Variants in WWOX observed in about 807,000 individuals in gnomAD.
WWOX encodes WW domain-containing oxidoreductase.
A neutral mutation model predicts 46.2 loss-of-function variants in WWOX; 69 were observed. That is an observed-to-expected ratio of 1.49 (90% CI 1.23 to 1.82). The LOEUF (loss-of-function observed/expected upper bound fraction) is 1.82. Ranked by LOEUF, WWOX falls within the 40% of genes most tolerant of loss-of-function variation. The probability of loss-of-function intolerance (pLI) is 0.00; values close to 1 mark genes in which losing one functional copy is unlikely to be tolerated. For synonymous variants in WWOX, 359 were observed against 202.6 expected, an observed-to-expected ratio of 1.77 and a Z score of -6.56; for missense variants, 919 against 542.6, an observed-to-expected ratio of 1.69 and a Z score of -6.89.
chr16:78,306,749 C>G (rs1472004261), intron 5 of WWOX, among the ~76,000 whole-genome samples: 3 of 151,962 alleles, frequency 2.0e-5, no homozygotes, highest in African/African-American at 7.3e-5. Flanking sequence ...GAGCCCCACT[C>G]TGTCCCATAA....
At chr16:79,020,069 G>A (rs2047500473) in intron 8 of WWOX, among the ~76,000 whole-genome samples, 1 of 152,168 alleles carries the variant, frequency 6.6e-6, no homozygotes, top group Non-Finnish European at 1.5e-5. Flanking sequence ...TATGTCATCT[G>A]CATGGTTGCA....
chr16:78,190,115 G>C (rs1035060443), intron 5 of WWOX, among the ~76,000 whole-genome samples: 1 of 152,156 alleles, frequency 6.6e-6, no homozygotes, highest in Non-Finnish European at 1.5e-5. Flanking sequence ...GCATGAACTG[G>C]TTTGGGCCAG....
At chr16:78,915,648 G>A (rs571929355) in intron 8 of WWOX, among the ~76,000 whole-genome samples, 104 of 151,680 alleles carry the variant, frequency 6.9e-4, no homozygotes, top group Non-Finnish European at 1.2e-3. Context: ...TCAGAAGATA[G>A]TTTCTTACCG....
rs376399032 is a variant in WWOX at position 78,409,572 on chromosome 16, A to G, written c.606-15298A>G. On this transcript the variant is annotated intron_variant, in intron 6 of 8. Coordinates refer to ENST00000566780, the MANE Select transcript of WWOX (RefSeq NM_016373.4). ...GACCTAGCGACTTAAAACAGCAAAC[A>G]TACACTATCTCACTCTGTTAGTTTT... Among the ~76,000 whole-genome samples, 360 of 152,330 alleles carry G rather than the reference A, an allele frequency of 2.4e-3. 1 individual carries two copies. The highest frequency in any genetic ancestry group is 4.4e-3 in the South Asian group (21 of 4,820).
At chr16:78,461,174 ATGAATTG>A (rs2083938143) in intron 8 of WWOX, among the ~76,000 whole-genome samples, 2 of 152,338 alleles carry the variant, frequency 1.3e-5, no homozygotes, top group Admixed American at 1.3e-4. Context: ...TTCACTATCC[ATGAATTG>A]TGGCCTTAAC....
intron 8 of WWOX, among the ~76,000 whole-genome samples, chr16:78,910,271 ACAT>A (rs1417513691): frequency 6.7e-6 from 1 of 150,222 alleles, no homozygotes; most frequent in East Asian, 1.9e-4. Context: ...CTTTCTCCTG[ACAT>A]CATGATCATG....
At chr16:78,124,276 T>C (rs1295297374) in intron 4 of WWOX, 1 of 152,144 alleles carries the variant, frequency 6.6e-6, no homozygotes, top group Non-Finnish European at 1.5e-5. Flanking sequence ...AGTAAAGATA[T>C]TTTGGTTGTT....
intron 8 of WWOX, among the ~76,000 whole-genome samples, chr16:78,725,547 A>T (rs931801348): frequency 6.7e-6 from 1 of 149,464 alleles, no homozygotes; most frequent in South Asian, 2.1e-4. Context: ...GGGTTTCACC[A>T]TGTTGGTCAC....
chr16:78,381,659 G>T (rs1374532389), intron 5 of WWOX, among the ~76,000 whole-genome samples: 1 of 152,124 alleles, frequency 6.6e-6, no homozygotes. Flanking sequence ...GAAGATTTGG[G>T]GAAGGAAAAT....
At chr16:78,386,509 C>A (rs559174597) in intron 5 of WWOX, among the ~76,000 whole-genome samples, 4 of 152,088 alleles carry the variant, frequency 2.6e-5, no homozygotes, top group African/African-American at 9.7e-5. Context: ...ATGATCGAGG[C>A]GTTGTCGTGC....
At chr16:78,969,042 T>C (rs2062899) in intron 8 of WWOX, among the ~76,000 whole-genome samples, 152,187 of 152,254 alleles carry the variant, frequency 1, 76,060 homozygotes, top group Middle Eastern at 1. Context: ...GCTACCAGGC[T>C]CCAGTGGCCC....
intron 5 of WWOX, among the ~76,000 whole-genome samples, chr16:78,306,751 G>A (rs1239625342): frequency 6.7e-6 from 1 of 150,304 alleles, no homozygotes; most frequent in South Asian, 2.1e-4. Flanking sequence ...GCCCCACTCT[G>A]TCCCATAATT....
At chr16:78,180,917 G>C (rs1046997557) in intron 5 of WWOX, among the ~76,000 whole-genome samples, 2 of 152,146 alleles carry the variant, frequency 1.3e-5, no homozygotes, top group African/African-American at 2.4e-5. Flanking sequence ...GTTAGTAAAG[G>C]CTTTAAAAAT....
intron 8 of WWOX, among the ~76,000 whole-genome samples, chr16:78,867,931 G>A (rs1303310361): frequency 1.3e-5 from 2 of 152,180 alleles, no homozygotes; most frequent in East Asian, 1.9e-4. Context: ...GTCATTCACT[G>A]CTGGTGGGAA....
intron 8 of WWOX, among the ~76,000 whole-genome samples, chr16:78,964,446 G>C (rs1267590192): frequency 6.6e-6 from 1 of 152,138 alleles, no homozygotes; most frequent in East Asian, 1.9e-4. Flanking sequence ...GAGATTTGTG[G>C]AACTTTGAAC....
intron 8 of WWOX, among the ~76,000 whole-genome samples, chr16:78,480,059 T>G (rs939812767): frequency 2.4e-4 from 36 of 152,194 alleles, no homozygotes; most frequent in African/African-American, 8.2e-4. Flanking sequence ...ATTACAGAAT[T>G]GTGCTGGGTC....
intron 8 of WWOX, among the ~76,000 whole-genome samples, chr16:78,847,781 A>AG (rs1567601328): frequency 1.3e-5 from 2 of 152,150 alleles, no homozygotes; most frequent in African/African-American, 4.8e-5. Flanking sequence ...TTAAAAAAAA[A>AG]AAGAAGAAGA....
intron 5 of WWOX, among the ~76,000 whole-genome samples, chr16:78,173,113 C>T (rs368229053): frequency 2.6e-5 from 4 of 152,088 alleles, no homozygotes; most frequent in East Asian, 1.9e-4. Context: ...GCACGCCCTG[C>T]GATAGGTTAA....
At chr16:78,805,042 T>C (rs924313103) in intron 8 of WWOX, among the ~76,000 whole-genome samples, 4 of 152,362 alleles carry the variant, frequency 2.6e-5, no homozygotes, top group Admixed American at 1.3e-4. Context: ...TCTCCTGATA[T>C]TTGCAACCCA....
Sources: allele counts gnomAD v4.1 joint callset (sites outside exome capture counted in the v4.1 genomes callset), GRCh38; gene constraint gnomAD v4.1.1; transcripts MANE v1.5; gene names NCBI Gene and HGNC (gene_info 2026-07-23, HGNC 2026-07-21).